HELZ: variants seen among roughly 807,000 people sequenced by gnomAD.
The protein encoded by HELZ is ATP-dependent RNA helicase with zinc finger domain.
A neutral mutation model predicts 218.2 loss-of-function variants in HELZ; 23 were observed. The ratio of observed to expected loss-of-function variants is 0.11; its 90% CI spans 0.08 to 0.15. The LOEUF (loss-of-function observed/expected upper bound fraction) is 0.15, where lower values mean the gene tolerates loss of function less well. Among genes scored for constraint, HELZ ranks in the 10% least tolerant of loss-of-function variants. HELZ has a pLI of 1.00. For synonymous variants in HELZ, 814 were observed against 829.4 expected, an observed-to-expected ratio of 0.98 and a Z score of 0.32; for missense variants, 1,813 against 2,353.7, an observed-to-expected ratio of 0.77 and a Z score of 4.75.
Position 67,074,261 on chromosome 17 carries a change from A to AC in HELZ, c.*3990_*3991insG, listed in dbSNP as rs1021242764. 5.3e-5 allele frequency: 8 copies of AC among 151,772 alleles called. No individual in the cohort carries two copies. Among genetic ancestry groups the AC allele is most frequent in the Admixed American group, 1.3e-4 (2 of 15,232 alleles). The allele number at this position is 151,772 out of a possible 1,614,324, so 9.4% of individuals were successfully genotyped here. ...TTGAGGAGCTGGAGGGAAAAAAAAA[A>AC]ACACAATGGCTAGCTTACATGACAT... is the stretch of plus-strand genomic sequence containing the variant. On this transcript the variant is annotated 3_prime_UTR_variant, in exon 33 of 33. Coordinates refer to ENST00000358691, the MANE Select transcript of HELZ (RefSeq NM_014877.4).
intron 3 of HELZ, among the ~76,000 whole-genome samples, chr17:67,235,234 C>T (rs763126497): frequency 8.6e-5 from 13 of 151,806 alleles, no homozygotes; most frequent in South Asian, 6.3e-4. Context: ...AGGCCGGGCG[C>T]GGTGGCTCAC....
chr17:67,093,134 C>T (rs2036625396), intron 31 of HELZ, among the ~76,000 whole-genome samples: 2 of 151,970 alleles, frequency 1.3e-5, no homozygotes. Context: ...AAATCAAAAA[C>T]AAAACAACAA....
intron 13 of HELZ, among the ~76,000 whole-genome samples, chr17:67,168,419 AAT>A (rs754045216): frequency 2.0e-5 from 3 of 152,338 alleles, no homozygotes; most frequent in Non-Finnish European, 2.9e-5. Flanking sequence ...AGTAACATGA[AAT>A]ATTATATACT....
chr17:67,204,976 T>C (rs1023469562), intron 5 of HELZ, among the ~76,000 whole-genome samples: 3 of 152,144 alleles, frequency 2.0e-5, no homozygotes, highest in Non-Finnish European at 4.4e-5. Flanking sequence ...AGTGTGGCCA[T>C]CTGTAAAACA....
intron 31 of HELZ, among the ~76,000 whole-genome samples, chr17:67,101,713 C>T (rs1322869185): frequency 4.6e-5 from 7 of 152,190 alleles, no homozygotes; most frequent in Non-Finnish European, 1.0e-4. Context: ...TCATTTTGCA[C>T]TACCCCCACC....
chr17:67,150,050 GTTA>G, intron 18 of HELZ, 65 bp from the exon 19 acceptor site: 1 of 824,756 alleles, frequency 1.2e-6, no homozygotes, highest in Non-Finnish European at 1.9e-6. Context: ...AAGGACTATA[GTTA>G]TTTTCTTTTC....
chr17:67,121,118 T>C (rs2037596523), intron 26 of HELZ, among the ~76,000 whole-genome samples: 1 of 152,204 alleles, frequency 6.6e-6, no homozygotes, highest in Non-Finnish European at 1.5e-5. Context: ...GTTCATTTAT[T>C]ATAGGTAAAA....
intron 31 of HELZ, among the ~76,000 whole-genome samples, chr17:67,097,818 T>C (rs2036796269): frequency 6.6e-6 from 1 of 152,238 alleles, no homozygotes; most frequent in South Asian, 2.1e-4. Flanking sequence ...CCCACAACTA[T>C]TTGAATTTTC....
chr17:67,078,306 T>G lies in HELZ; in HGVS notation c.5775A>C (p.Glu1925Asp). 1.2e-6 allele frequency: 2 copies of G among 1,614,102 alleles called. No individual in the cohort carries two copies. Among genetic ancestry groups the G allele is most frequent in the Non-Finnish European group, 1.7e-6 (2 of 1,180,006 alleles). Residue 1925 changes from glutamate to aspartate, a missense_variant, in exon 33 of 33, where the codon GAA becomes GAC. Coordinates refer to ENST00000358691, the MANE Select transcript of HELZ (RefSeq NM_014877.4). ...TGCCAGATGAGCTCCCTAGGCTCAG[T>G]TCCTGGAAGAGAGACAGAGGGTCGC... Reference protein sequence around the residue: ...KSSDPLSLFQELSLGSSSGSN... With the variant: ...KSSDPLSLFQDLSLGSSSGSN...
At chr17:67,124,726 G>A (rs56066220) in intron 24 of HELZ, among the ~76,000 whole-genome samples, 4,701 of 152,178 alleles carry the variant, frequency 0.031, 115 homozygotes, top group Non-Finnish European at 0.046. Context: ...TGTAATAAAT[G>A]TTAACAATCT....
Position 67,108,531 on chromosome 17 carries a change from G to A in HELZ, c.4685C>T (p.Thr1562Ile). The change falls in exon 30 of 33, where the codon ACC becomes ATC. Residue 1562 changes from threonine to isoleucine, a missense_variant. Thr to Ile is a moderately conservative substitution (Grantham distance 89). This residue lies in a region of HELZ where 938 missense variants were observed against 1,027.5 expected (regional missense o/e 0.91). Coordinates refer to ENST00000358691, the MANE Select transcript of HELZ (RefSeq NM_014877.4). The surrounding 1 kb of genome is among the most constrained non-coding windows in gnomAD (Gnocchi z 4.1). ...CTCCACTTCATCTTCGGCACTGCTG[G>A]TGAGCTTCCAGTCTGCCCTCACTGG... Reference protein sequence around the residue: ...QPPVRADWKLTSSAEDEVETT... With the variant: ...QPPVRADWKLISSAEDEVETT... 6.2e-7 allele frequency: 1 copy of A among 1,614,136 alleles called. No homozygotes were observed. The highest frequency in any genetic ancestry group is 8.5e-7 in the Non-Finnish European group (1 of 1,180,022).
chr17:67,150,121 A>ATTTTTTTTT, intron 18 of HELZ, 136 bp from the exon 19 acceptor site: 1 of 248,256 alleles, frequency 4.0e-6, no homozygotes, highest in South Asian at 6.1e-5. Flanking sequence ...TTATTTATTT[A>ATTTTTTTTT]TTTTCTTTCT....
chr17:67,176,981 CTTTT>C (rs113989752), intron 13 of HELZ, among the ~76,000 whole-genome samples: 1 of 142,916 alleles, frequency 7.0e-6, no homozygotes, highest in Admixed American at 6.9e-5. Flanking sequence ...TTCAGTTTCT[CTTTT>C]TTTTTTTTTT....
chr17:67,206,161 A>T (rs1461229488), intron 5 of HELZ, among the ~76,000 whole-genome samples: 1 of 152,252 alleles, frequency 6.6e-6, no homozygotes, highest in Non-Finnish European at 1.5e-5. Context: ...AACAATTATA[A>T]AAAAGTTACA....
chr17:67,105,484 T>C (rs1014297546), intron 31 of HELZ, among the ~76,000 whole-genome samples: 2 of 152,082 alleles, frequency 1.3e-5, no homozygotes, highest in African/African-American at 4.8e-5. Flanking sequence ...TGCTTAACAG[T>C]TATGGGGTTT....
chr17:67,241,756 A>G (rs2041319303), intron 2 of HELZ, among the ~76,000 whole-genome samples: 1 of 152,230 alleles, frequency 6.6e-6, no homozygotes, highest in Admixed American at 6.5e-5. Context: ...CTTACCTAAA[A>G]ATAGTGTCCT....
At position 67,081,119 on chromosome 17, in the gene HELZ, C is replaced by T. The variant is rs535929927; in HGVS notation, c.5495-2533G>A. 6.6e-5 allele frequency among the ~76,000 whole-genome samples: 10 copies of T among 152,310 alleles called. No individual in the cohort carries two copies. In the South Asian group the frequency reaches 2.1e-3, roughly 32 times the overall value. ...CACTTGCCTTGAAACACTGTCATGG[C>T]AGAAACCTAGCTTTGACTATGCAAC... is the stretch of plus-strand genomic sequence containing the variant. On this transcript the variant is annotated intron_variant, in intron 32 of 32. Transcript: ENST00000358691.
At chr17:67,189,825 C>T in intron 10 of HELZ, 129 bp from the exon 11 acceptor site, 1 of 637,494 alleles carries the variant, frequency 1.6e-6, no homozygotes, top group Non-Finnish European at 2.8e-6. Flanking sequence ...GTATTTTATA[C>T]CTTCATTTTC....
chr17:67,105,175 C>T (rs1433588791), intron 31 of HELZ, among the ~76,000 whole-genome samples: 1 of 152,112 alleles, frequency 6.6e-6, no homozygotes, highest in Non-Finnish European at 1.5e-5. Context: ...CTACTACACA[C>T]CCATTAGGAT....
Sources: allele counts gnomAD v4.1 joint callset (sites outside exome capture counted in the v4.1 genomes callset), GRCh38; gene constraint gnomAD v4.1.1; regional missense constraint gnomAD v4.1.1; non-coding constraint Gnocchi (gnomAD v3.1); transcripts MANE v1.5; gene names NCBI Gene and HGNC (gene_info 2026-07-23, HGNC 2026-07-21).